Variants in ZMYND8 observed in about 807,000 individuals in gnomAD.
ZMYND8 encodes zinc finger MYND-type containing 8, also known as MYND-type zinc finger-containing chromatin reader ZMYND8.
In ZMYND8, 37 loss-of-function variants were observed where a neutral mutation model predicts 140.8. The ratio of observed to expected loss-of-function variants is 0.26; its 90% CI spans 0.20 to 0.35. The LOEUF (loss-of-function observed/expected upper bound fraction) is 0.35. Ranked by LOEUF, ZMYND8 falls within the 10% of genes least tolerant of loss-of-function variation. ZMYND8 has a pLI of 1.00. For synonymous variants in ZMYND8, 592 were observed against 597.1 expected (o/e 0.99, Z 0.12); for missense variants, 1,068 against 1,570.0 (o/e 0.68, Z 5.40).
At chr20:47,306,573 C>CTT (rs113460565) in intron 3 of ZMYND8, among the ~76,000 whole-genome samples, 11,343 of 136,472 alleles carry the variant, frequency 0.083, 621 homozygotes, top group African/African-American at 0.11. Flanking sequence ...GATTATTTGC[C>CTT]TTTTTTTTTT....
At chr20:47,234,239 G>A (rs1434612974) in intron 16 of ZMYND8, among the ~76,000 whole-genome samples, 1 of 152,182 alleles carries the variant, frequency 6.6e-6, no homozygotes, top group Non-Finnish European at 1.5e-5. Flanking sequence ...GGTAGAGATG[G>A]GGTTTCACGA....
chr20:47,234,714 T>A (rs1195286889), intron 16 of ZMYND8, among the ~76,000 whole-genome samples: 3 of 152,228 alleles, frequency 2.0e-5, no homozygotes, highest in South Asian at 4.1e-4. Context: ...AAAAGAAACA[T>A]GACCAATGAA....
chr20:47,356,587 A>T lies in ZMYND8; in HGVS notation c.14+70T>A, dbSNP rs1569273767. The T allele has an allele frequency of 1.9e-6, 3 of 1,613,996 alleles. No homozygotes were observed. The East Asian group carries it at 6.7e-5, about 36-fold the overall frequency. On this transcript the variant is annotated intron_variant, in intron 1 of 22. Transcript: ENST00000471951. ...TGGCACGGCCAGCCACAGAGAAATC[A>T]CACTGCTCGCCCACAATTCGGATGT...
intron 2 of ZMYND8, among the ~76,000 whole-genome samples, chr20:47,321,877 T>C (rs2079986042): frequency 2.0e-5 from 3 of 147,696 alleles, no homozygotes; most frequent in Admixed American, 2.0e-4. Context: ...TTTTTTTTTT[T>C]TGAAACAGAG....
chr20:47,313,363 C>T (rs2079094028), intron 2 of ZMYND8, among the ~76,000 whole-genome samples: 1 of 152,188 alleles, frequency 6.6e-6, no homozygotes, highest in Admixed American at 6.5e-5. Context: ...TGGCTCACGC[C>T]TGTAATCCCA....
At chr20:47,312,255 T>G (rs1268899088) in intron 2 of ZMYND8, among the ~76,000 whole-genome samples, 1 of 152,160 alleles carries the variant, frequency 6.6e-6, no homozygotes, top group African/African-American at 2.4e-5. Flanking sequence ...GGCCTCCTAG[T>G]GGTTGACTTT....
At chr20:47,310,351 T>C (rs2078828913) in intron 2 of ZMYND8, 147 bp from the exon 3 acceptor site, 1 of 838,672 alleles carries the variant, frequency 1.2e-6, no homozygotes, top group African/African-American at 1.7e-5. Context: ...CCTCCCAGAA[T>C]ATACGTGCCC....
At chr20:47,317,787 C>A (rs184370051) in intron 2 of ZMYND8, among the ~76,000 whole-genome samples, 1 of 152,114 alleles carries the variant, frequency 6.6e-6, no homozygotes, top group Middle Eastern at 3.2e-3. Context: ...AGCTTTCTGG[C>A]GTCAAAATGC....
intron 7 of ZMYND8, among the ~76,000 whole-genome samples, chr20:47,288,424 G>A (rs965124651): frequency 4.0e-5 from 5 of 123,556 alleles, no homozygotes; most frequent in South Asian, 2.4e-4. Flanking sequence ...ATGGAGTCTC[G>A]TTCTGTCACC....
intron 17 of ZMYND8, 101 bp downstream of exon 17, chr20:47,229,625 G>A: frequency 9.1e-7 from 1 of 1,097,666 alleles, no homozygotes; most frequent in Non-Finnish European, 1.4e-6. Context: ...ACCAAGCCAG[G>A]ACCCCAGAGG....
chr20:47,285,638 G>C (rs2076875614), intron 8 of ZMYND8: 3 of 968,302 alleles, frequency 3.1e-6, no homozygotes, highest in African/African-American at 1.8e-5. Context: ...CCTCATAGTA[G>C]TTTTATTCCT....
intron 21 of ZMYND8, among the ~76,000 whole-genome samples, chr20:47,213,851 C>T (rs2035654291): frequency 6.6e-6 from 1 of 152,124 alleles, no homozygotes; most frequent in South Asian, 2.1e-4. Context: ...AGAGGTATAG[C>T]CAAGTACATT....
chr20:47,239,002 G>A lies in ZMYND8; in HGVS notation c.2421C>T (p.Val807=). 1 of 1,607,546 alleles carries A rather than the reference G, an allele frequency of 6.2e-7. No homozygotes were observed. The highest frequency in any genetic ancestry group is 2.2e-5 in the East Asian group (1 of 44,754). The change falls in exon 15 of 23, where the codon GTC becomes GTT. Residue 807 remains valine (V), a synonymous_variant. Coordinates refer to ENST00000471951, the MANE Select transcript of ZMYND8 (RefSeq NM_001281775.3). ...ATTSTSSTVT[V]TAPAPAATGS... ...CTGTGGCGGCGGGGGCCGGGGCCGT[G>A]ACGGTGACCGTGGAGGACGTGCTGG...
chr20:47,209,964 C>G lies in ZMYND8; in HGVS notation c.*797G>C, dbSNP rs992063052. On this transcript the variant is annotated 3_prime_UTR_variant, in exon 23 of 23. Coordinates refer to ENST00000471951, the MANE Select transcript of ZMYND8 (RefSeq NM_001281775.3). ...ACCACAAAGCAAAGATAAGGTTTCT[C>G]TTTTTTTCAGAGTTCATGATCCTAA... The G allele has an allele frequency of 6.6e-6, 1 of 152,646 alleles. No individual in the cohort carries two copies. The highest frequency in any genetic ancestry group is 1.5e-5 in the Non-Finnish European group (1 of 68,050). The allele number at this position is 152,646 out of a possible 1,614,324, so 9.5% of individuals were successfully genotyped here.
intron 21 of ZMYND8, among the ~76,000 whole-genome samples, chr20:47,216,166 T>C (rs1478652778): frequency 2.0e-5 from 3 of 151,976 alleles, no homozygotes; most frequent in Non-Finnish European, 2.9e-5. Context: ...TCATGGACGA[T>C]GGAATCCTGA....
At chr20:47,338,899 C>T (rs1489830769) in intron 2 of ZMYND8, among the ~76,000 whole-genome samples, 2 of 151,992 alleles carry the variant, frequency 1.3e-5, no homozygotes, top group African/African-American at 4.8e-5. Flanking sequence ...AAGCACTGGA[C>T]TCCTAGATGG....
At chr20:47,356,513 A>G in intron 1 of ZMYND8, 144 bp downstream of exon 1, 1 of 1,606,146 alleles carries the variant, frequency 6.2e-7, no homozygotes, top group Non-Finnish European at 8.5e-7. Context: ...AAGCAAAAAA[A>G]TTCTCTCTAA....
chr20:47,227,108 C>T lies in ZMYND8; in HGVS notation c.3016+95G>A, dbSNP rs887791025. 56 of 1,301,558 alleles carry T rather than the reference C, an allele frequency of 4.3e-5. No individual in the cohort carries two copies. In the African/African-American group the frequency reaches 8.0e-4, roughly 19 times the overall value. 80.6% of individuals were successfully genotyped at this position (1,301,558 alleles called of 1,614,324 possible). A position where few individuals can be genotyped will look rare whatever the true frequency, so the allele number is the denominator to read the frequency against. ...TACGAGTCATACAATCCTAGCCTAG[C>T]TTTAATTGCACTCACATCTCGGCTT... On this transcript the variant is annotated intron_variant, in intron 18 of 22. Transcript: ENST00000471951.
intron 21 of ZMYND8, among the ~76,000 whole-genome samples, chr20:47,218,448 C>G (rs2036450118): frequency 6.6e-6 from 1 of 152,148 alleles, no homozygotes; most frequent in African/African-American, 2.4e-5. Context: ...TTATTTTAAA[C>G]TTATGTAACT....
Sources: allele counts gnomAD v4.1 joint callset (sites outside exome capture counted in the v4.1 genomes callset), GRCh38; gene constraint gnomAD v4.1.1; transcripts MANE v1.5; gene names NCBI Gene and HGNC (gene_info 2026-07-23, HGNC 2026-07-21).